PEBP4: variants seen among roughly 807,000 people sequenced by gnomAD.
PEBP4 encodes phosphatidylethanolamine-binding protein 4.
In PEBP4, 22 loss-of-function variants were observed where a neutral mutation model predicts 23.9. The observed-to-expected ratio is 0.92, with a 90% CI of 0.66 to 1.31. The LOEUF is 1.31. PEBP4 is among the 40% of genes most tolerant of loss of function. PEBP4 has a pLI of 0.00. For synonymous variants in PEBP4, 112 were observed against 99.3 expected (o/e 1.13, Z -0.76); for missense variants, 324 against 281.7 (o/e 1.15, Z -1.07).
At chr8:22,885,561 T>C (rs1283148507) in intron 3 of PEBP4, 1 of 152,230 alleles carries the variant, frequency 6.6e-6, no homozygotes, top group Non-Finnish European at 1.5e-5. Context: ...ACTCACCTTC[T>C]GCCTGAAGCA....
At chr8:22,840,023 C>T (rs922563297) in intron 3 of PEBP4, among the ~76,000 whole-genome samples, 10 of 152,178 alleles carry the variant, frequency 6.6e-5, no homozygotes, top group Non-Finnish European at 8.8e-5. Flanking sequence ...AGAATGTGAC[C>T]GGTCTGCTGT....
intron 4 of PEBP4, among the ~76,000 whole-genome samples, chr8:22,795,179 T>TATATATAA: frequency 1.2e-5 from 1 of 84,304 alleles, no homozygotes; most frequent in Admixed American, 1.4e-4. Flanking sequence ...TTTTTTTTTT[T>TATATATAA]TTTTTTTTTT....
At chr8:22,808,724 A>G (rs1030109130) in intron 4 of PEBP4, among the ~76,000 whole-genome samples, 7 of 152,204 alleles carry the variant, frequency 4.6e-5, no homozygotes, top group Non-Finnish European at 1.0e-4. Flanking sequence ...GCCCACTTGG[A>G]GTTGACTAAA....
chr8:22,814,593 A>G (rs1219459519), intron 4 of PEBP4, among the ~76,000 whole-genome samples: 1 of 152,130 alleles, frequency 6.6e-6, no homozygotes, highest in Admixed American at 6.5e-5. Context: ...GGCCTGATCA[A>G]CCATCCAGTT....
intron 3 of PEBP4, among the ~76,000 whole-genome samples, chr8:22,908,188 A>G (rs374821304): frequency 3.9e-5 from 6 of 152,240 alleles, no homozygotes; most frequent in African/African-American, 1.4e-4. Flanking sequence ...ATCAGACACC[A>G]CAAATGCATG....
chr8:22,772,701 A>G (rs1805740091), intron 4 of PEBP4, among the ~76,000 whole-genome samples: 1 of 152,114 alleles, frequency 6.6e-6, no homozygotes, highest in African/African-American at 2.4e-5. Flanking sequence ...CAGGCCACAG[A>G]GCTATGAACT....
At chr8:22,850,955 ACAGACT>A (rs576124647) in intron 3 of PEBP4, among the ~76,000 whole-genome samples, 93 of 152,212 alleles carry the variant, frequency 6.1e-4, no homozygotes, top group Non-Finnish European at 1.0e-3. Context: ...GAAAAAGAAA[ACAGACT>A]CAGAAAGCAT....
chr8:22,801,391 C>G (rs1274295957), intron 4 of PEBP4, among the ~76,000 whole-genome samples: 1 of 152,192 alleles, frequency 6.6e-6, no homozygotes, highest in Non-Finnish European at 1.5e-5. Flanking sequence ...ATCCCTGTAC[C>G]TACCACTGCA....
intron 3 of PEBP4, among the ~76,000 whole-genome samples, chr8:22,827,885 T>G (rs1807005352): frequency 6.6e-6 from 1 of 152,214 alleles, no homozygotes; most frequent in Admixed American, 6.5e-5. Context: ...TGTCAACACT[T>G]ATAATTGTCT....
chr8:22,779,450 G>A (rs1291978719), intron 4 of PEBP4, among the ~76,000 whole-genome samples: 3 of 152,104 alleles, frequency 2.0e-5, no homozygotes, highest in South Asian at 2.1e-4. Flanking sequence ...CACGGAGGTC[G>A]CCAGGCAAAG....
At chr8:22,720,144 CA>C (rs1209498808) in intron 6 of PEBP4, among the ~76,000 whole-genome samples, 2 of 152,310 alleles carry the variant, frequency 1.3e-5, no homozygotes, top group East Asian at 3.9e-4. Context: ...CTGATAGTCT[CA>C]TGGTGGAAGG....
At chr8:22,868,516 A>G (rs192691034) in intron 3 of PEBP4, among the ~76,000 whole-genome samples, 3 of 152,224 alleles carry the variant, frequency 2.0e-5, no homozygotes, top group African/African-American at 7.2e-5. Flanking sequence ...CCAATTTCAT[A>G]TACACAAACA....
intron 3 of PEBP4, among the ~76,000 whole-genome samples, chr8:22,856,006 C>T (rs907411576): frequency 7.5e-6 from 1 of 133,222 alleles, no homozygotes; most frequent in Admixed American, 8.6e-5. Flanking sequence ...ACCATATTTG[C>T]ATCACTGCAC....
At chr8:22,791,251 G>C (rs1242874033) in intron 4 of PEBP4, among the ~76,000 whole-genome samples, 2 of 152,052 alleles carry the variant, frequency 1.3e-5, no homozygotes, top group Non-Finnish European at 2.9e-5. Flanking sequence ...GCAGAGAAGG[G>C]AGCAGCCTCA....
rs1808463798 is a variant in PEBP4, at chr8:22,890,146, C to T, written c.258+30038G>A. Among the ~76,000 whole-genome samples the T allele has an allele frequency of 2.0e-5, 3 of 152,126 alleles. No individual in the cohort carries two copies. In the South Asian group the frequency reaches 6.2e-4, roughly 32 times the overall value. On this transcript the variant is annotated intron_variant, in intron 3 of 6. Coordinates refer to ENST00000256404, the MANE Select transcript of PEBP4 (RefSeq NM_144962.3). ...GTGATGGAGAAGAGGTAGCTTCCTC[C>T]CCTGGGGACTCAGCAACAATTGCGC...
intron 5 of PEBP4, 31 bp from the exon 6 acceptor site, chr8:22,724,987 TC>T (rs1306474608): frequency 6.4e-7 from 1 of 1,559,296 alleles, no homozygotes; most frequent in Admixed American, 1.7e-5. Flanking sequence ...GAGGTGAGCA[TC>T]AACATCCCAT....
At chr8:22,766,778 T>C (rs1805622428) in intron 4 of PEBP4, among the ~76,000 whole-genome samples, 1 of 152,238 alleles carries the variant, frequency 6.6e-6, no homozygotes, top group African/African-American at 2.4e-5. Flanking sequence ...TTTCTCAGCA[T>C]GGCTTCTCCC....
chr8:22,811,233 T>C (rs1168488407), intron 4 of PEBP4, among the ~76,000 whole-genome samples: 2 of 152,192 alleles, frequency 1.3e-5, no homozygotes, highest in Non-Finnish European at 1.5e-5. Flanking sequence ...AATGAACAAT[T>C]ATGCTGCATT....
At chr8:22,921,872 G>A (rs1809208377) in intron 2 of PEBP4, among the ~76,000 whole-genome samples, 1 of 152,224 alleles carries the variant, frequency 6.6e-6, no homozygotes, top group Non-Finnish European at 1.5e-5. Flanking sequence ...GAGATGCGAG[G>A]CAGAGAGGGG....
Sources: allele counts gnomAD v4.1 joint callset (sites outside exome capture counted in the v4.1 genomes callset), GRCh38; gene constraint gnomAD v4.1.1; transcripts MANE v1.5; gene names NCBI Gene and HGNC (gene_info 2026-07-23, HGNC 2026-07-21).